The following HMCN1 variants were observed in gnomAD, a reference collection of about 807,000 sequenced individuals.
HMCN1 encodes hemicentin 1, also known as hemicentin-1.
A neutral mutation model predicts 625.9 loss-of-function variants in HMCN1; 321 were observed. The observed-to-expected ratio is 0.51, with a 90% CI of 0.47 to 0.56. The LOEUF (loss-of-function observed/expected upper bound fraction) is 0.56, where lower values mean the gene tolerates loss of function less well. Among genes scored for constraint, HMCN1 ranks in the 20% least tolerant of loss-of-function variants. The probability of loss-of-function intolerance (pLI) is 0.00; values close to 1 mark genes in which losing one functional copy is unlikely to be tolerated. For synonymous variants in HMCN1, 2,425 were observed against 2,417.6 expected (o/e 1.00, Z -0.09); for missense variants, 6,588 against 6,887.3 (o/e 0.96, Z 1.54).
intron 69 of HMCN1, among the ~76,000 whole-genome samples, chr1:186,104,452 CAA>C (rs1417346434): frequency 2.6e-5 from 4 of 152,120 alleles, no homozygotes; most frequent in African/African-American, 9.7e-5. Flanking sequence ...TGTAGAATAA[CAA>C]ATTATTTGAT....
chr1:186,027,222 C>A (rs1655117509), intron 36 of HMCN1, among the ~76,000 whole-genome samples: 1 of 152,086 alleles, frequency 6.6e-6, no homozygotes, highest in Non-Finnish European at 1.5e-5. Context: ...GTGGGGAGTT[C>A]TGTCATTTAT....
At chr1:186,053,440 C>T (rs955549121) in intron 43 of HMCN1, among the ~76,000 whole-genome samples, 19 of 152,046 alleles carry the variant, frequency 1.2e-4, no homozygotes, top group Admixed American at 5.2e-4. Flanking sequence ...AGTCATACCC[C>T]AAACCTCAGC....
rs143086645 is a variant in HMCN1 at position 186,086,364 on chromosome 1, T to C, written c.9003T>C (p.Asn3001=). ...CTCCTGACCTCAGCTGGCTCAAGAA[T>C]GAACAGCCCATCAAACTGAACACAA... ...FPPPDLSWLK[N]EQPIKLNTNT... Residue 3001 remains asparagine (N), a synonymous_variant, in exon 58 of 107, where the codon AAT becomes AAC. Coordinates refer to ENST00000271588, the MANE Select transcript of HMCN1 (RefSeq NM_031935.3). The C allele has an allele frequency of 6.9e-5, 111 of 1,613,386 alleles. No individual in the cohort carries two copies. In the Admixed American group the frequency reaches 1.4e-3, roughly 20 times the overall value.
At chr1:185,997,129 G>A (rs1230516661) in intron 24 of HMCN1, among the ~76,000 whole-genome samples, 1 of 152,080 alleles carries the variant, frequency 6.6e-6, no homozygotes, top group Non-Finnish European at 1.5e-5. Context: ...TGGATATGGA[G>A]GTCAAGCTTA....
intron 11 of HMCN1, among the ~76,000 whole-genome samples, chr1:185,938,877 A>T (rs1667947225): frequency 1.3e-5 from 2 of 152,168 alleles, no homozygotes; most frequent in Non-Finnish European, 2.9e-5. Context: ...GCAATTGAGA[A>T]TTCCAACTGA....
chr1:186,103,769 A>G (rs1233341235), intron 69 of HMCN1, 101 bp downstream of exon 69: 1 of 979,756 alleles, frequency 1.0e-6, no homozygotes, highest in Admixed American at 2.2e-5. Context: ...CTTATATATC[A>G]CAGATCTGTG....
chr1:186,118,964 T>C (rs1387142290), intron 77 of HMCN1, among the ~76,000 whole-genome samples: 1 of 152,162 alleles, frequency 6.6e-6, no homozygotes, highest in African/African-American at 2.4e-5. Flanking sequence ...TAAAAATCAT[T>C]GAATTGCGCA....
intron 81 of HMCN1, among the ~76,000 whole-genome samples, chr1:186,124,871 T>G (rs1013874431): frequency 6.6e-6 from 1 of 152,096 alleles, no homozygotes; most frequent in Non-Finnish European, 1.5e-5. Flanking sequence ...TTCTTAATAC[T>G]TTTTGTCTTT....
At chr1:185,792,520 AT>A (rs149432767) in intron 1 of HMCN1, among the ~76,000 whole-genome samples, 13,642 of 152,106 alleles carry the variant, frequency 0.09, 1,958 homozygotes, top group African/African-American at 0.31. Context: ...AATAAACTTG[AT>A]TCTATTCAGC....
In HMCN1 at chr1:185,745,216, G is replaced by A. The variant is rs950846554; in HGVS notation, c.268+10169G>A. ...ACTTATCCAAGATAAAATGTCAACC[G>A]AAAGTGTAGGGAATCGGCAATGAAA... is the stretch of plus-strand genomic sequence containing the variant. On this transcript the variant is annotated intron_variant, in intron 1 of 106. Transcript: ENST00000271588. Among the ~76,000 whole-genome samples the A allele has an allele frequency of 2.9e-4, 44 of 152,090 alleles. 1 individual carries two copies. Among genetic ancestry groups the A allele is most frequent in the Admixed American group, 2.6e-3 (39 of 15,262 alleles).
At chr1:185,892,694 A>G (rs1665192755) in intron 4 of HMCN1, among the ~76,000 whole-genome samples, 1 of 151,754 alleles carries the variant, frequency 6.6e-6, no homozygotes, top group Non-Finnish European at 1.5e-5. Flanking sequence ...GCCTACTGGG[A>G]GAACCACTGC....
Position 185,865,874 on chromosome 1 carries a change from T to C in HMCN1, c.621+11T>C. 6.2e-7 allele frequency: 1 copy of C among 1,613,196 alleles called. No individual in the cohort carries two copies. The stretch of plus-strand genomic sequence containing the variant: ...AAACAAGTTAATGAGGTCAGTTTAA[T>C]AAAGGGAGTCTACTTTATTACCAGC... On this transcript the variant is annotated intron_variant, in intron 4 of 106. Coordinates refer to ENST00000271588, the MANE Select transcript of HMCN1 (RefSeq NM_031935.3).
At chr1:186,027,956 G>A (rs1047481118) in intron 36 of HMCN1, among the ~76,000 whole-genome samples, 1 of 152,122 alleles carries the variant, frequency 6.6e-6, no homozygotes, top group African/African-American at 2.4e-5. Flanking sequence ...GGAGACTCGG[G>A]AATGTTGCAG....
intron 103 of HMCN1, chr1:186,177,173 GCACACAC>G (rs1211146528): frequency 6.6e-6 from 1 of 152,434 alleles, no homozygotes; most frequent in Non-Finnish European, 1.5e-5. Flanking sequence ...GGGCGTGGTG[GCACACAC>G]CTGTAGTTCC....
At chr1:185,853,314 T>C (rs911445165) in intron 2 of HMCN1, among the ~76,000 whole-genome samples, 2 of 152,176 alleles carry the variant, frequency 1.3e-5, no homozygotes, top group African/African-American at 4.8e-5. Flanking sequence ...ATCACTGGCT[T>C]TCCTCAGCAA....
At position 186,188,028 on chromosome 1, in the gene HMCN1, T is replaced by A. The variant is rs74136067; in HGVS notation, c.16541+19T>A. On this transcript the variant is annotated intron_variant, in intron 106 of 106. Transcript: ENST00000271588. ...TTTCAGGGTATGTCTTGCCTTCTCATCCCAGACATGCTTTTGAAAATCCTT... is the reference window on the plus strand; with the variant it reads ...TTTCAGGGTATGTCTTGCCTTCTCAACCCAGACATGCTTTTGAAAATCCTT... 6,741 of 1,613,680 alleles carry A rather than the reference T, an allele frequency of 4.2e-3. 178 individuals carry two copies. In the African/African-American group the frequency reaches 0.061, roughly 15 times the overall value.
chr1:185,993,159 A>G (rs746334913), intron 22 of HMCN1, 23 bp from the exon 23 acceptor site: 1 of 1,606,848 alleles, frequency 6.2e-7, no homozygotes, highest in South Asian at 1.1e-5. Flanking sequence ...TCCATGGTCT[A>G]CTATATGGTT....
At chr1:185,764,400 A>G (rs898549898) in intron 1 of HMCN1, among the ~76,000 whole-genome samples, 1 of 152,208 alleles carries the variant, frequency 6.6e-6, no homozygotes, top group African/African-American at 2.4e-5. Context: ...AGCAACTACT[A>G]CACTTTATAT....
chr1:186,049,226 G>A (rs1171927482), intron 42 of HMCN1, among the ~76,000 whole-genome samples: 4 of 152,030 alleles, frequency 2.6e-5, no homozygotes, highest in East Asian at 1.9e-4. Flanking sequence ...GAAAGAACAT[G>A]GGCGCTTGCG....
Sources: allele counts gnomAD v4.1 joint callset (sites outside exome capture counted in the v4.1 genomes callset), GRCh38; gene constraint gnomAD v4.1.1; transcripts MANE v1.5; gene names NCBI Gene and HGNC (gene_info 2026-07-23, HGNC 2026-07-21).